The following ZNF544 variants were observed in gnomAD, a reference collection of about 807,000 sequenced individuals.
ZNF544 encodes the protein zinc finger protein 544, also known as zinc finger protein AF020591.
In ZNF544, 10 loss-of-function variants were observed where a neutral mutation model predicts 13.5. That is an observed-to-expected ratio of 0.74 (90% CI 0.46 to 1.25). ZNF544 has a LOEUF of 1.25. ZNF544 is among the 50% of genes most tolerant of loss of function. The probability of loss-of-function intolerance (pLI) is 0.00; values close to 1 mark genes in which losing one functional copy is unlikely to be tolerated. For synonymous variants in ZNF544, 323 were observed against 300.5 expected (o/e 1.07, Z -0.77); for missense variants, 896 against 845.6 (o/e 1.06, Z -0.74).
intron 4 of ZNF544, among the ~76,000 whole-genome samples, chr19:58,244,829 G>A (rs921561407): frequency 2.6e-5 from 4 of 152,100 alleles, no homozygotes; most frequent in Non-Finnish European, 4.4e-5. Flanking sequence ...CTTCAGCCTC[G>A]GCCTCCCAAA....
rs1179880742 is a variant in ZNF544 at position 58,262,474 on chromosome 19, T to A, written c.1868T>A (p.Leu623Gln). The A allele has an allele frequency of 6.2e-7, 1 of 1,613,990 alleles. No homozygotes were observed. Reference protein sequence around the residue: ...FNRSTQLIRHLQIHTGEKPYK... With the variant: ...FNRSTQLIRHQQIHTGEKPYK... ...CGAAGCACTCAGCTCATCAGGCATC[T>A]GCAAATTCACACTGGGGAGAAGCCG... is the stretch of plus-strand genomic sequence containing the variant. The change falls in exon 7 of 7, where the codon CTG becomes CAG. Residue 623 changes from leucine (L) to glutamine (Q), a missense_variant. By Grantham distance (113) the Leu-to-Gln change is moderately radical (BLOSUM62 -2). Coordinates refer to ENST00000687789, the MANE Select transcript of ZNF544 (RefSeq NM_014480.4).
chr19:58,234,033 C>T (rs975807986), intron 3 of ZNF544, among the ~76,000 whole-genome samples: 1 of 152,224 alleles, frequency 6.6e-6, no homozygotes, highest in Non-Finnish European at 1.5e-5. Flanking sequence ...GCCCACTTCT[C>T]TCCATTTTGC....
exon 7 of ZNF544, chr19:58,277,302 C>T: frequency 8.4e-7 from 1 of 1,194,080 alleles, no homozygotes; most frequent in Non-Finnish European, 1.0e-6. Flanking sequence ...CAGCTTGAGC[C>T]CCTCGGGAGT....
chr19:58,246,718 C>A lies in ZNF544; in HGVS notation c.168C>A (p.Phe56Leu), dbSNP rs2045305618. Residue 56 changes from phenylalanine to leucine, a missense_variant, in exon 6 of 7, where the codon TTC (phenylalanine) becomes TTA (leucine). Physicochemically the swap from Phe to Leu is conservative, Grantham distance 22. Transcript: ENST00000687789. ...TTTTCCGTCTTTGACCAGGGCTTTT[C>A]CTTTCCAAATCTGATGTGATCTCTC... ...TWEHIVSLGL[F>L]LSKSDVISQL... 1 of 1,613,920 alleles carries A rather than the reference C, an allele frequency of 6.2e-7. No individual in the cohort carries two copies. Among genetic ancestry groups the A allele is most frequent in the African/African-American group, 1.3e-5 (1 of 74,892 alleles).
chr19:58,267,964 G>A (rs1475400816), downstream of ZNF544, among the ~76,000 whole-genome samples: 1 of 151,060 alleles, frequency 6.6e-6, no homozygotes, highest in Non-Finnish European at 1.5e-5. Context: ...CTGAGCAACA[G>A]AGCGAGACTG....
rs190926416 is a variant in ZNF544, at chr19:58,269,899, C to T, written c.245-6424C>T. Among the ~76,000 whole-genome samples the T allele has an allele frequency of 1.1e-4, 17 of 152,222 alleles. 1 individual carries two copies. Among genetic ancestry groups the T allele is most frequent in the Admixed American group, 2.0e-4 (3 of 15,276 alleles). Reference sequence around the variant, plus strand: ...TCATGCCACTGGACTCCAGCCTGGGCGACAGAATGAGACTCTGTCTCAAAA... The same window carrying T: ...TCATGCCACTGGACTCCAGCCTGGGTGACAGAATGAGACTCTGTCTCAAAA... On this transcript the variant is annotated intron_variant, in intron 5 of 6. Coordinates refer to the ZNF544 transcript ENST00000595981.
intron 5 of ZNF544, among the ~76,000 whole-genome samples, chr19:58,271,878 C>T (rs1278195290): frequency 6.6e-6 from 1 of 152,006 alleles, no homozygotes; most frequent in Non-Finnish European, 1.5e-5. Context: ...CAAGCAAGAG[C>T]AGGCTGGGCG....
At chr19:58,273,976 A>T (rs1373338851) in intron 5 of ZNF544, among the ~76,000 whole-genome samples, 1 of 151,778 alleles carries the variant, frequency 6.6e-6, no homozygotes, top group African/African-American at 2.4e-5. Flanking sequence ...TTGTATTTTT[A>T]GTAGAGACGG....
At chr19:58,253,195 A>C (rs181050803) in intron 6 of ZNF544, among the ~76,000 whole-genome samples, 1 of 152,374 alleles carries the variant, frequency 6.6e-6, no homozygotes. Context: ...AAGTTACACA[A>C]AGAGTTTACC....
rs202064884 is a variant in ZNF544 at position 58,244,075 on chromosome 19, C to T, written c.33+19C>T. ...ACCCCAGGTGAGTGGGGGGTCTTTGCTCTCAGTGCCTTGGTCTCCATAGAT... is the reference window on the plus strand; with the variant it reads ...ACCCCAGGTGAGTGGGGGGTCTTTGTTCTCAGTGCCTTGGTCTCCATAGAT... On this transcript the variant is annotated intron_variant, in intron 4 of 6. Coordinates refer to ENST00000687789, the MANE Select transcript of ZNF544 (RefSeq NM_014480.4). 7.5e-6 allele frequency: 12 copies of T among 1,600,064 alleles called. No homozygotes were observed. The African/African-American group carries it at 8.0e-5, about 11-fold the overall frequency.
chr19:58,237,628 CT>C (rs529060783), intron 3 of ZNF544, among the ~76,000 whole-genome samples: 7 of 152,166 alleles, frequency 4.6e-5, no homozygotes, highest in African/African-American at 7.2e-5. Context: ...CTTCTTTTTG[CT>C]TTTTTTCCCC....
chr19:58,265,068 AACT>A (rs1158344423), downstream of ZNF544, among the ~76,000 whole-genome samples: 1 of 152,172 alleles, frequency 6.6e-6, no homozygotes, highest in East Asian at 1.9e-4. Context: ...GTTGTGCTTT[AACT>A]TTGTTGCTCA....
Position 58,243,991 on chromosome 19 carries a change from C to T in ZNF544, c.-33C>T, listed in dbSNP as rs368330855. The T allele has an allele frequency of 8.1e-6, 13 of 1,602,582 alleles. No homozygotes were observed. The highest frequency in any genetic ancestry group is 2.7e-5 in the African/African-American group (2 of 74,714). On this transcript the variant is annotated 5_prime_UTR_variant, in exon 4 of 7. Coordinates refer to ENST00000687789, the MANE Select transcript of ZNF544 (RefSeq NM_014480.4). ...CTGGTCTTCTGAGGACCTCTGCCCT[C>T]TACACAGCGGCCTCTTCAGGTGCAG... is the stretch of plus-strand genomic sequence containing the variant.
At chr19:58,238,075 G>T (rs2042807186) in intron 3 of ZNF544, among the ~76,000 whole-genome samples, 1 of 152,184 alleles carries the variant, frequency 6.6e-6, no homozygotes, top group Admixed American at 6.5e-5. Context: ...TGGGATTACA[G>T]ACGTGCACCA....
intron 3 of ZNF544, among the ~76,000 whole-genome samples, chr19:58,242,863 T>C (rs915480427): frequency 3.9e-5 from 6 of 152,134 alleles, no homozygotes; most frequent in Admixed American, 1.3e-4. Context: ...CATGCCTGGC[T>C]AATTTTTGTA....
At chr19:58,258,263 A>G (rs1022956188) in intron 6 of ZNF544, 1 of 152,342 alleles carries the variant, frequency 6.6e-6, no homozygotes, top group South Asian at 2.1e-4. Flanking sequence ...ATCCTCAAAT[A>G]CCCTTCATTG....
chr19:58,260,185 C>T (rs1025101055), intron 6 of ZNF544, among the ~76,000 whole-genome samples: 2 of 152,200 alleles, frequency 1.3e-5, no homozygotes, highest in African/African-American at 4.8e-5. Flanking sequence ...AGTCCAGGGG[C>T]TTAGAACATA....
At chr19:58,274,871 G>T (rs1222346999) in intron 5 of ZNF544, among the ~76,000 whole-genome samples, 1 of 151,788 alleles carries the variant, frequency 6.6e-6, no homozygotes, top group Non-Finnish European at 1.5e-5. Flanking sequence ...AATGAGAGAG[G>T]AATAGCACTG....
Position 58,262,538 on chromosome 19 carries a change from C to G in ZNF544, c.1932C>G (p.Ser644Arg). The G allele has an allele frequency of 6.2e-7, 1 of 1,614,206 alleles. No individual in the cohort carries two copies. The highest frequency in any genetic ancestry group is 8.5e-7 in the Non-Finnish European group (1 of 1,180,038). ...AGTGCAATAAAGCCTTTGCAAGGAGCTCCTACCTTGTGATGCATCAGAGAA... is the reference window on the plus strand; with the variant it reads ...AGTGCAATAAAGCCTTTGCAAGGAGGTCCTACCTTGTGATGCATCAGAGAA... Reference protein sequence around the residue: ...CNQCNKAFARSSYLVMHQRTH... With the variant: ...CNQCNKAFARRSYLVMHQRTH... Residue 644 changes from serine to arginine, a missense_variant, in exon 7 of 7, where the codon AGC becomes AGG. Transcript: ENST00000687789.
Sources: gnomAD v4.1 joint callset for allele counts (sites outside exome capture counted in the v4.1 genomes callset) on GRCh38, gnomAD v4.1.1 for gene constraint, MANE v1.5 for transcripts, NCBI Gene and HGNC (gene_info 2026-07-23, HGNC 2026-07-21) for gene names.